Variants in CTDSP1 observed in about 807,000 individuals in gnomAD.
CTDSP1 encodes carboxy-terminal domain RNA polymerase II polypeptide A small phosphatase 1.
Under a neutral mutation model 32.5 loss-of-function variants are expected in CTDSP1, and 15 were observed. The observed-to-expected ratio is 0.46, with a 90% CI of 0.31 to 0.71. The LOEUF is 0.71. CTDSP1 is among the 30% of genes least tolerant of loss of function. CTDSP1 has a pLI of 0.05. For synonymous variants in CTDSP1, 185 were observed against 145.4 expected (o/e 1.27, Z -1.96); for missense variants, 294 against 351.1 (o/e 0.84, Z 1.30).
chr2:218,401,074 C>T (rs1031178914), intron 1 of CTDSP1: 8 of 391,076 alleles, frequency 2.0e-5, no homozygotes, highest in African/African-American at 1.0e-4. Flanking sequence ...GACACTGGCC[C>T]CAGGCCGCGG....
At chr2:218,399,445 A>G (rs1696983625), upstream of CTDSP1, 1 of 152,262 alleles carries the variant, frequency 6.6e-6, no homozygotes, top group Admixed American at 6.5e-5. Flanking sequence ...CGACCACCAG[A>G]CAGGAGAGAA....
upstream of CTDSP1, chr2:218,398,558 C>G (rs1226083568): frequency 6.0e-6 from 6 of 994,904 alleles, no homozygotes; most frequent in South Asian, 1.1e-4. Context: ...TGGCAGACGC[C>G]GCTCCCCTCC....
At position 218,403,190 on chromosome 2, in the gene CTDSP1, A is replaced by C. The variant is rs2227258; in HGVS notation, c.472-42A>C. 19 of 1,612,056 alleles carry C rather than the reference A, an allele frequency of 1.2e-5. 1 individual carries two copies. The South Asian group carries it at 2.1e-4, about 18-fold the overall frequency. ...CTACCTACCTCCCGCATGCAGCCCAATGAACCTGCGGGCCCCAGGATGACC... is the reference window on the plus strand; with the variant it reads ...CTACCTACCTCCCGCATGCAGCCCACTGAACCTGCGGGCCCCAGGATGACC... On this transcript the variant is annotated intron_variant, in intron 5 of 6. Coordinates refer to ENST00000273062, the MANE Select transcript of CTDSP1 (RefSeq NM_021198.3).
intron 1 of CTDSP1, chr2:218,401,323 C>A: frequency 3.5e-6 from 2 of 570,346 alleles, no homozygotes; most frequent in Non-Finnish European, 6.2e-6. Context: ...AGGCCACGCA[C>A]TCCCTATGTG....
intron 1 of CTDSP1, chr2:218,401,347 C>G (rs745593988): frequency 3.3e-6 from 2 of 598,036 alleles, no homozygotes; most frequent in African/African-American, 1.9e-5. Context: ...GCCTTAATAC[C>G]TGCTAGACCT....
intron 1 of CTDSP1, chr2:218,400,404 A>T (rs1343070488): frequency 2.0e-6 from 1 of 508,742 alleles, no homozygotes; most frequent in African/African-American, 5.2e-5. Flanking sequence ...GCAGGAATAG[A>T]GAGGGAACTC....
chr2:218,399,596 G>C (rs926498313), upstream of CTDSP1: 3 of 395,772 alleles, frequency 7.6e-6, no homozygotes, highest in African/African-American at 6.5e-5. Flanking sequence ...GCTCCCGGCG[G>C]GCGGGCCTTG....
chr2:218,396,625 G>A (rs1696795624), upstream of CTDSP1: 1 of 152,614 alleles, frequency 6.6e-6, no homozygotes, highest in South Asian at 2.1e-4. Context: ...ACCTGGGCAA[G>A]CGCTGCAGAG....
chr2:218,402,734 C>G (rs1377334995), intron 4 of CTDSP1: 1 of 753,850 alleles, frequency 1.3e-6, no homozygotes, highest in East Asian at 2.5e-5. Context: ...GCCCTGCAGC[C>G]TTGGGGTGAG....
rs1360395133 is a variant in CTDSP1, at chr2:218,400,048, C to A, written c.-43C>A. 1.6e-6 allele frequency: 2 copies of A among 1,260,324 alleles called. No homozygotes were observed. Among genetic ancestry groups the A allele is most frequent in the Non-Finnish European group, 2.0e-6 (2 of 990,368 alleles). 78.1% of individuals were successfully genotyped at this position (1,260,324 alleles called of 1,614,324 possible). On this transcript the variant is annotated 5_prime_UTR_variant, in exon 1 of 7. Coordinates refer to ENST00000273062, the MANE Select transcript of CTDSP1 (RefSeq NM_021198.3). ...GGCCCCAGCCGGGGGGGAGGCCGGGCGCCCGGGCCAGAGTCCGGCCGGAGC... is the reference window on the plus strand; with the variant it reads ...GGCCCCAGCCGGGGGGGAGGCCGGGAGCCCGGGCCAGAGTCCGGCCGGAGC...
chr2:218,404,585 G>C lies in CTDSP1; in HGVS notation c.*160G>C. 3.5e-6 allele frequency: 3 copies of C among 864,646 alleles called. No homozygotes were observed. Among genetic ancestry groups the C allele is most frequent in the Non-Finnish European group, 5.3e-6 (3 of 570,730 alleles). The allele number at this position is 864,646 out of a possible 1,614,324, so 53.6% of individuals were successfully genotyped here. ...CCCACCAGCCCCACCAGGCGGTGTA[G>C]GGGCAGCAGGCTGCACTGAGGACCG... is the stretch of plus-strand genomic sequence containing the variant. On this transcript the variant is annotated 3_prime_UTR_variant, in exon 7 of 7. Coordinates refer to ENST00000273062, the MANE Select transcript of CTDSP1 (RefSeq NM_021198.3).
intron 2 of CTDSP1, 70 bp downstream of exon 2, chr2:218,401,782 C>G: frequency 7.1e-7 from 1 of 1,400,886 alleles, no homozygotes; most frequent in South Asian, 1.4e-5. Context: ...GGAAGGGGCT[C>G]CTGACTGAGC....
chr2:218,404,232 C>T, intron 6 of CTDSP1, 65 bp from the exon 7 acceptor site: 5 of 1,583,026 alleles, frequency 3.2e-6, no homozygotes, highest in Non-Finnish European at 3.4e-6. Flanking sequence ...CTACATAGGG[C>T]TGGCCTGGAA....
chr2:218,401,634 C>T lies in CTDSP1; in HGVS notation c.138C>T (p.Val46=). The T allele has an allele frequency of 6.2e-7, 1 of 1,613,310 alleles. No individual in the cohort carries two copies. Among genetic ancestry groups the T allele is most frequent in the Non-Finnish European group, 8.5e-7 (1 of 1,179,680 alleles). The change falls in exon 2 of 7, where the codon GTC becomes GTT. Residue 46 remains valine, a synonymous_variant. Coordinates refer to ENST00000273062, the MANE Select transcript of CTDSP1 (RefSeq NM_021198.3). ...RGILHSLFCC[V]CRDDGEALPA... Reference sequence around the variant, plus strand: ...TCCTCCACTCACTCTTCTGCTGTGTCTGCCGGGATGATGGGGAGGCCCTGC... The same window carrying T: ...TCCTCCACTCACTCTTCTGCTGTGTTTGCCGGGATGATGGGGAGGCCCTGC...
intron 2 of CTDSP1, 41 bp downstream of exon 2, chr2:218,401,753 C>G (rs1381677012): frequency 6.6e-7 from 1 of 1,510,192 alleles, no homozygotes; most frequent in Non-Finnish European, 8.8e-7. Flanking sequence ...CACCTGGACT[C>G]AGTCTTCAGG....
At chr2:218,398,406 A>C (rs1300609835), upstream of CTDSP1, 86 of 1,535,322 alleles carry the variant, frequency 5.6e-5, no homozygotes, top group Non-Finnish European at 7.3e-5. Flanking sequence ...CACGGTGATG[A>C]AGCGCAATGG....
chr2:218,403,288 G>T lies in CTDSP1; in HGVS notation c.528G>T (p.Leu176=). Residue 176 remains leucine (L), a synonymous_variant, in exon 6 of 7, where the codon CTG becomes CTT. Transcript: ENST00000273062. ...LDKWGAFRAR[L]FRESCVFHRG... ...AATGGGGGGCCTTCCGGGCCCGGCT[G>T]TTTCGAGAGTCCTGCGTCTTCCACC... The T allele has an allele frequency of 6.2e-7, 1 of 1,614,124 alleles. No individual in the cohort carries two copies. The highest frequency in any genetic ancestry group is 2.2e-5 in the East Asian group (1 of 44,890).
intron 1 of CTDSP1, 166 bp downstream of exon 1, chr2:218,400,323 A>T (rs919236601): frequency 1.3e-6 from 1 of 745,270 alleles, no homozygotes; most frequent in Non-Finnish European, 2.3e-6. Context: ...AACTCAGAGG[A>T]GGCTCAGAGA....
At chr2:218,402,259 T>TC (rs1305058105) in intron 3 of CTDSP1, 44 bp downstream of exon 3, 4 of 1,604,210 alleles carry the variant, frequency 2.5e-6, no homozygotes, top group Non-Finnish European at 3.4e-6. Flanking sequence ...TCGGGGGGCA[T>TC]CCCCCACCCT....
Sources: allele counts gnomAD v4.1 joint callset, GRCh38; gene constraint gnomAD v4.1.1; transcripts MANE v1.5; gene names NCBI Gene and HGNC (gene_info 2026-07-23, HGNC 2026-07-21).